NALCN: variants seen among roughly 807,000 people sequenced by gnomAD.
NALCN encodes sodium leak channel NALCN.
Under a neutral mutation model 225.3 loss-of-function variants are expected in NALCN, and 111 were observed. The observed-to-expected ratio is 0.49, with a 90% CI of 0.42 to 0.58. The LOEUF is 0.58. NALCN is among the 20% of genes least tolerant of loss of function. The pLI, the probability that NALCN is intolerant of heterozygous loss-of-function variation, is 0.00. For synonymous variants in NALCN, 764 were observed against 769.0 expected, an observed-to-expected ratio of 0.99 and a Z score of 0.11; for missense variants, 1,378 against 2,202.4, an observed-to-expected ratio of 0.63 and a Z score of 7.49.
At chr13:101,221,502 C>T (rs1319733635) in intron 13 of NALCN, among the ~76,000 whole-genome samples, 3 of 152,142 alleles carry the variant, frequency 2.0e-5, no homozygotes, top group Admixed American at 2.0e-4. Context: ...CAGGCTACTC[C>T]CAACAACTCA....
At chr13:101,142,140 T>G (rs906325371) in intron 17 of NALCN, among the ~76,000 whole-genome samples, 4 of 103,748 alleles carry the variant, frequency 3.9e-5, no homozygotes, top group Admixed American at 1.1e-4. Flanking sequence ...TTCTATGTCT[T>G]TTTTTTTTTT....
rs2031069141 is a variant in NALCN, at chr13:101,055,264, C to A, written c.*31G>T. On this transcript the variant is annotated 3_prime_UTR_variant, in exon 44 of 44. Transcript: ENST00000251127. Reference sequence around the variant, plus strand: ...GGACATTATTAGAAAACGGTTTCCACCACTAGAAATTCATCTACATTGACA... The same window carrying A: ...GGACATTATTAGAAAACGGTTTCCAACACTAGAAATTCATCTACATTGACA... The A allele has an allele frequency of 6.3e-7, 1 of 1,577,800 alleles. No individual in the cohort carries two copies. Among genetic ancestry groups the A allele is most frequent in the Admixed American group, 1.7e-5 (1 of 58,394 alleles).
intron 15 of NALCN, among the ~76,000 whole-genome samples, chr13:101,160,979 A>G (rs2038155177): frequency 6.6e-6 from 1 of 152,220 alleles, no homozygotes; most frequent in Non-Finnish European, 1.5e-5. Flanking sequence ...GTTACCATAA[A>G]GGCAAACACC....
chr13:101,355,425 A>G (rs2046026763), intron 6 of NALCN, among the ~76,000 whole-genome samples: 1 of 152,174 alleles, frequency 6.6e-6, no homozygotes, highest in Admixed American at 6.5e-5. Flanking sequence ...CGGACTTTAA[A>G]CAAACAAAGA....
At chr13:101,166,575 A>G (rs1159339310) in intron 15 of NALCN, among the ~76,000 whole-genome samples, 1 of 152,148 alleles carries the variant, frequency 6.6e-6, no homozygotes, top group African/African-American at 2.4e-5. Context: ...TATTTTTAAA[A>G]CAGATTATTT....
At chr13:101,165,656 A>T (rs947231902) in intron 15 of NALCN, among the ~76,000 whole-genome samples, 3 of 152,176 alleles carry the variant, frequency 2.0e-5, no homozygotes, top group African/African-American at 7.2e-5. Flanking sequence ...TTGTATTTTT[A>T]GTAGAGACAG....
intron 15 of NALCN, among the ~76,000 whole-genome samples, chr13:101,155,449 T>C (rs1234626497): frequency 6.6e-6 from 1 of 152,140 alleles, no homozygotes; most frequent in Non-Finnish European, 1.5e-5. Context: ...TTGCAGAGTG[T>C]CCCCCAATTT....
At chr13:101,086,984 T>A (rs1012731090) in intron 30 of NALCN, among the ~76,000 whole-genome samples, 1 of 152,070 alleles carries the variant, frequency 6.6e-6, no homozygotes, top group African/African-American at 2.4e-5. Context: ...ATAAAAAAAA[T>A]TTTGGAAAGT....
At chr13:101,403,672 G>C (rs1259020724) in intron 1 of NALCN, among the ~76,000 whole-genome samples, 2 of 152,164 alleles carry the variant, frequency 1.3e-5, no homozygotes, top group Non-Finnish European at 2.9e-5. Context: ...TGTTATTAAG[G>C]TTGTCAATAC....
intron 13 of NALCN, among the ~76,000 whole-genome samples, chr13:101,224,175 C>T (rs977589199): frequency 3.9e-5 from 6 of 152,138 alleles, no homozygotes; most frequent in African/African-American, 1.4e-4. Context: ...TCCACAGGAC[C>T]TACTTCCCTT....
intron 7 of NALCN, among the ~76,000 whole-genome samples, chr13:101,315,536 A>T (rs78768770): frequency 0.032 from 4,805 of 152,284 alleles, 257 homozygotes; most frequent in African/African-American, 0.11. Context: ...CTAAGTTTCT[A>T]TGTAGAAATT....
chr13:101,286,864 T>TACACACACAC (rs71121180), intron 9 of NALCN, among the ~76,000 whole-genome samples: 205 of 147,056 alleles, frequency 1.4e-3, no homozygotes, highest in Admixed American at 2.4e-3. Context: ...CCAGGTATTA[T>TACACACACAC]ACACACACAC....
At chr13:101,249,407 A>T (rs755372212) in intron 11 of NALCN, among the ~76,000 whole-genome samples, 1 of 152,206 alleles carries the variant, frequency 6.6e-6, no homozygotes, top group Non-Finnish European at 1.5e-5. Context: ...AAAAGAGAAA[A>T]ATATGTCTAT....
intron 17 of NALCN, among the ~76,000 whole-genome samples, chr13:101,127,840 T>C: frequency 6.6e-6 from 1 of 152,246 alleles, no homozygotes; most frequent in East Asian, 1.9e-4. Context: ...TATTCCCTTC[T>C]TTTTTCTTAC....
intron 15 of NALCN, among the ~76,000 whole-genome samples, chr13:101,163,299 C>A (rs1386740515): frequency 6.6e-6 from 1 of 152,110 alleles, no homozygotes; most frequent in Non-Finnish European, 1.5e-5. Flanking sequence ...AAGAATGATA[C>A]AACCGACAAC....
At chr13:101,135,153 C>T (rs1039898828) in intron 17 of NALCN, among the ~76,000 whole-genome samples, 1 of 152,212 alleles carries the variant, frequency 6.6e-6, no homozygotes, top group East Asian at 1.9e-4. Flanking sequence ...CGAGATCGTG[C>T]CGCTGCACCC....
chr13:101,258,341 A>T, intron 11 of NALCN, 102 bp downstream of exon 11: 1 of 1,476,638 alleles, frequency 6.8e-7, no homozygotes. Context: ...GGTGAAAGTC[A>T]AGTAATGAAC....
At chr13:101,332,809 T>C (rs2045232643) in intron 7 of NALCN, among the ~76,000 whole-genome samples, 1 of 152,166 alleles carries the variant, frequency 6.6e-6, no homozygotes, top group South Asian at 2.1e-4. Flanking sequence ...TTGCAGCAAA[T>C]GTGGAGTGCT....
chr13:101,120,222 C>G (rs1425718625), intron 18 of NALCN, among the ~76,000 whole-genome samples: 2 of 152,076 alleles, frequency 1.3e-5, no homozygotes, highest in Non-Finnish European at 2.9e-5. Flanking sequence ...ATGTGGGTCC[C>G]CCCTGAGAAC....
Sources: gnomAD v4.1 joint callset for allele counts (sites outside exome capture counted in the v4.1 genomes callset) on GRCh38, gnomAD v4.1.1 for gene constraint, MANE v1.5 for transcripts, NCBI Gene and HGNC (gene_info 2026-07-23, HGNC 2026-07-21) for gene names.